Variants in NPAS3 observed in about 807,000 individuals in gnomAD.
The protein encoded by NPAS3 is neuronal PAS domain protein 3.
Under a neutral mutation model 73.1 loss-of-function variants are expected in NPAS3, and 14 were observed. That is an observed-to-expected ratio of 0.19 (90% CI 0.13 to 0.30). NPAS3 has a LOEUF of 0.30. NPAS3 is among the 10% of genes least tolerant of loss of function. The pLI, the probability that NPAS3 is intolerant of heterozygous loss-of-function variation, is 1.00. For missense variants in NPAS3, 1,096 were observed against 1,250.0 expected, an observed-to-expected ratio of 0.88 and a Z score of 1.86; for synonymous variants, 620 against 541.5, an observed-to-expected ratio of 1.14 and a Z score of -2.01.
At chr14:33,016,989 G>A (rs2039419692) in intron 1 of NPAS3, among the ~76,000 whole-genome samples, 1 of 152,110 alleles carries the variant, frequency 6.6e-6, no homozygotes, top group Non-Finnish European at 1.5e-5. Context: ...TTTCAAATTA[G>A]AAAGGGCAGC....
chr14:33,389,925 G>A (rs1174709536), intron 4 of NPAS3, among the ~76,000 whole-genome samples: 6 of 152,016 alleles, frequency 3.9e-5, no homozygotes, highest in Non-Finnish European at 7.4e-5. Context: ...CCCAGCAGTC[G>A]CATTCTGATA....
intron 7 of NPAS3, among the ~76,000 whole-genome samples, chr14:33,763,722 A>T (rs1245147611): frequency 2.6e-5 from 4 of 152,224 alleles, no homozygotes; most frequent in Non-Finnish European, 4.4e-5. Context: ...CAATGCCTTA[A>T]GAGAAGTCTC....
intron 6 of NPAS3, among the ~76,000 whole-genome samples, chr14:33,701,867 T>A (rs956368740): frequency 6.6e-6 from 1 of 152,068 alleles, no homozygotes; most frequent in Non-Finnish European, 1.5e-5. Context: ...TGCAGAGATA[T>A]CTACCAAATG....
chr14:32,978,751 G>T (rs1279643519), intron 1 of NPAS3, among the ~76,000 whole-genome samples: 1 of 152,182 alleles, frequency 6.6e-6, no homozygotes, highest in Non-Finnish European at 1.5e-5. Flanking sequence ...AATGATCATT[G>T]CTTTGTGTAT....
intron 2 of NPAS3, among the ~76,000 whole-genome samples, chr14:33,092,179 T>C (rs1358582804): frequency 6.6e-6 from 1 of 152,152 alleles, no homozygotes; most frequent in East Asian, 1.9e-4. Flanking sequence ...GGAAGTCAAA[T>C]TGTCCCTGTT....
chr14:33,346,000 A>C (rs8017383), intron 3 of NPAS3, among the ~76,000 whole-genome samples: 5,517 of 152,176 alleles, frequency 0.036, 366 homozygotes, highest in African/African-American at 0.13. Context: ...TGGGAGGTCG[A>C]GGCAGGAGGA....
intron 5 of NPAS3, among the ~76,000 whole-genome samples, chr14:33,602,997 C>G (rs1043639505): frequency 6.6e-6 from 1 of 152,086 alleles, no homozygotes; most frequent in Non-Finnish European, 1.5e-5. Flanking sequence ...TCCAATCATA[C>G]GTACCAGATG....
rs573372478 is a variant in NPAS3 at position 33,145,562 on chromosome 14, C to A, written c.141-69620C>A. Among the ~76,000 whole-genome samples the A allele has an allele frequency of 3.3e-5, 5 of 152,144 alleles. No homozygotes were observed. In the South Asian group the frequency reaches 1.0e-3, roughly 32 times the overall value. On this transcript the variant is annotated intron_variant, in intron 2 of 11. Coordinates refer to ENST00000356141, the Ensembl canonical transcript of NPAS3. The stretch of plus-strand genomic sequence containing the variant: ...TCAAATGATAGATCTACTTTCTATT[C>A]TTCCTAATAATCCTCTCATCATTTT...
intron 1 of NPAS3, among the ~76,000 whole-genome samples, chr14:33,035,252 T>C (rs2138373070): frequency 6.6e-6 from 1 of 152,316 alleles, no homozygotes; most frequent in Admixed American, 6.5e-5. Context: ...TTTTCTAAAT[T>C]GACAGTGATC....
chr14:33,301,093 G>C (rs2042511411), intron 3 of NPAS3, among the ~76,000 whole-genome samples: 1 of 151,588 alleles, frequency 6.6e-6, no homozygotes, highest in African/African-American at 2.4e-5. Flanking sequence ...TCCTGCCCTG[G>C]AGCAGCAGCT....
At chr14:33,251,641 A>G (rs1026286308) in intron 3 of NPAS3, among the ~76,000 whole-genome samples, 4 of 152,118 alleles carry the variant, frequency 2.6e-5, no homozygotes, top group Non-Finnish European at 4.4e-5. Context: ...CTTTTAAATC[A>G]GGTATGTTAC....
intron 3 of NPAS3, among the ~76,000 whole-genome samples, chr14:33,246,614 G>A (rs1389399411): frequency 6.7e-6 from 1 of 150,370 alleles, no homozygotes; most frequent in East Asian, 2.0e-4. Context: ...ATTCTAATTA[G>A]AAGAGTATCT....
chr14:33,326,158 G>A (rs2043694609), intron 3 of NPAS3, among the ~76,000 whole-genome samples: 1 of 152,120 alleles, frequency 6.6e-6, no homozygotes, highest in Non-Finnish European at 1.5e-5. Context: ...AATGGGAAGA[G>A]AGAGTGAGAA....
intron 2 of NPAS3, among the ~76,000 whole-genome samples, chr14:33,113,017 T>A (rs990319416): frequency 6.6e-6 from 1 of 152,312 alleles, no homozygotes; most frequent in African/African-American, 2.4e-5. Flanking sequence ...TTCTGCTCCA[T>A]TGGTCTGTAT....
chr14:32,992,131 T>A (rs1391318852), intron 1 of NPAS3, among the ~76,000 whole-genome samples: 2 of 152,170 alleles, frequency 1.3e-5, no homozygotes, highest in Admixed American at 6.5e-5. Flanking sequence ...CATCTGCACA[T>A]GGACTGGTCA....
chr14:33,408,468 G>A (rs753511780), intron 4 of NPAS3, among the ~76,000 whole-genome samples: 12 of 151,846 alleles, frequency 7.9e-5, no homozygotes, highest in East Asian at 5.8e-4. Context: ...TTCTTCCTGG[G>A]AAACAGCCAA....
intron 2 of NPAS3, among the ~76,000 whole-genome samples, chr14:33,162,396 C>T (rs948338594): frequency 6.6e-6 from 1 of 152,122 alleles, no homozygotes; most frequent in East Asian, 1.9e-4. Flanking sequence ...ATATGCGTTT[C>T]ACACTGATGA....
At chr14:33,277,029 T>C (rs1478176299) in intron 3 of NPAS3, among the ~76,000 whole-genome samples, 1 of 152,066 alleles carries the variant, frequency 6.6e-6, no homozygotes, top group East Asian at 1.9e-4. Context: ...CAAATGCACA[T>C]GTAATGCCAT....
intron 4 of NPAS3, among the ~76,000 whole-genome samples, chr14:33,434,066 C>T (rs1373644812): frequency 1.3e-5 from 2 of 152,070 alleles, no homozygotes; most frequent in Non-Finnish European, 2.9e-5. Context: ...GTGGCAGGCG[C>T]CTGTAATCCC....
Sources: gnomAD v4.1 joint callset for allele counts (sites outside exome capture counted in the v4.1 genomes callset) on GRCh38, gnomAD v4.1.1 for gene constraint, MANE v1.5 for transcripts, NCBI Gene and HGNC (gene_info 2026-07-23, HGNC 2026-07-21) for gene names.